HMGA2: variants seen among roughly 807,000 people sequenced by gnomAD.
HMGA2 encodes the protein high mobility group AT-hook 2.
A neutral mutation model predicts 19.1 loss-of-function variants in HMGA2; 8 were observed. The observed-to-expected ratio is 0.42, with a 90% CI of 0.25 to 0.76. The LOEUF (loss-of-function observed/expected upper bound fraction) is 0.76, where lower values mean the gene tolerates loss of function less well. Ranked by LOEUF, HMGA2 falls within the 30% of genes least tolerant of loss-of-function variation. The pLI, the probability that HMGA2 is intolerant of heterozygous loss-of-function variation, is 0.28. For missense variants in HMGA2, 109 were observed against 136.3 expected, an observed-to-expected ratio of 0.80 and a Z score of 1.00; for synonymous variants, 60 against 48.8, an observed-to-expected ratio of 1.23 and a Z score of -0.96.
chr12:65,866,237 C>T (rs552656106), intron 3 of HMGA2, among the ~76,000 whole-genome samples: 13 of 152,144 alleles, frequency 8.5e-5, no homozygotes, highest in Middle Eastern at 3.4e-3. Flanking sequence ...ACTTAAGGTC[C>T]CTAGTCTTGT....
chr12:65,924,226 C>T (rs1192405969), intron 3 of HMGA2, among the ~76,000 whole-genome samples: 5 of 152,212 alleles, frequency 3.3e-5, no homozygotes, highest in East Asian at 1.9e-4. Flanking sequence ...TAAAATGAAC[C>T]AACTTAGAAT....
At chr12:65,829,786 C>T (rs12815815) in intron 2 of HMGA2, among the ~76,000 whole-genome samples, 1,775 of 152,094 alleles carry the variant, frequency 0.012, 20 homozygotes, top group South Asian at 0.031. Context: ...TTACCACTGA[C>T]TAACAAAATT....
chr12:65,952,681 A>T (rs1368231926), intron 4 of HMGA2: 1 of 351,834 alleles, frequency 2.8e-6, no homozygotes, highest in Admixed American at 4.3e-5. Flanking sequence ...GAGAACCCAA[A>T]TATATTTAGC....
chr12:65,855,450 T>TCA (rs1315312278), intron 3 of HMGA2, among the ~76,000 whole-genome samples: 2,733 of 105,956 alleles, frequency 0.026, 77 homozygotes, highest in African/African-American at 0.097. Flanking sequence ...TCTCTCTCTC[T>TCA]CTCTCTCTCA....
chr12:65,868,424 A>G (rs1053320566), intron 3 of HMGA2, among the ~76,000 whole-genome samples: 1 of 152,110 alleles, frequency 6.6e-6, no homozygotes, highest in Non-Finnish European at 1.5e-5. Flanking sequence ...AGGAAAACTA[A>G]ATATCATCCC....
chr12:65,860,586 G>C (rs773687667), intron 3 of HMGA2, among the ~76,000 whole-genome samples: 1 of 152,066 alleles, frequency 6.6e-6, no homozygotes, highest in African/African-American at 2.4e-5. Flanking sequence ...CTAGGACTGT[G>C]GTATACAGTA....
intron 3 of HMGA2, among the ~76,000 whole-genome samples, chr12:65,919,303 T>A (rs1875219392): frequency 6.6e-6 from 1 of 152,176 alleles, no homozygotes; most frequent in South Asian, 2.1e-4. Flanking sequence ...ACCGTATCAC[T>A]AATGAAAATA....
intron 3 of HMGA2, among the ~76,000 whole-genome samples, chr12:65,906,810 T>G (rs1592436472): frequency 6.6e-6 from 1 of 152,230 alleles, no homozygotes; most frequent in Non-Finnish European, 1.5e-5. Flanking sequence ...TTATTATTCT[T>G]TGTTTAGATT....
intron 3 of HMGA2, among the ~76,000 whole-genome samples, chr12:65,886,555 C>T (rs1485604901): frequency 6.6e-6 from 1 of 152,038 alleles, no homozygotes; most frequent in African/African-American, 2.4e-5. Flanking sequence ...GATGGAGTTT[C>T]ACCATATTGG....
chr12:65,907,447 G>A (rs1421699974), intron 3 of HMGA2, among the ~76,000 whole-genome samples: 2 of 150,922 alleles, frequency 1.3e-5, no homozygotes, highest in African/African-American at 2.4e-5. Context: ...GGGGTAAAGT[G>A]CTCTGATAGT....
At chr12:65,887,133 C>T (rs1395113430) in intron 3 of HMGA2, among the ~76,000 whole-genome samples, 1 of 152,178 alleles carries the variant, frequency 6.6e-6, no homozygotes, top group Admixed American at 6.5e-5. Context: ...CTCCCCCCCT[C>T]ATAAAATGGA....
intron 3 of HMGA2, chr12:65,842,558 C>T (rs1381571805): frequency 3.2e-5 from 46 of 1,447,680 alleles, no homozygotes; most frequent in Middle Eastern, 3.4e-4. Context: ...ATAAATAATA[C>T]TAAAGAACAT....
At chr12:65,856,234 G>T (rs1471591488) in intron 3 of HMGA2, 1 of 152,156 alleles carries the variant, frequency 6.6e-6, no homozygotes, top group Non-Finnish European at 1.5e-5. Flanking sequence ...TGTCCCTGAG[G>T]TCCAAGCAAT....
Position 65,963,293 on chromosome 12 carries a change from G to A in HMGA2, c.*1G>A, listed in dbSNP as rs772000269. On this transcript the variant is annotated 3_prime_UTR_variant, in exon 5 of 5. Transcript: ENST00000403681. ...ACAAGAGTCTGCCGAAGAGGACTAG[G>A]GGGCGCCAACGTTCGATTTCTACCT... 2 of 1,613,308 alleles carry A rather than the reference G, an allele frequency of 1.2e-6. No individual in the cohort carries two copies. Among genetic ancestry groups the A allele is most frequent in the Non-Finnish European group, 1.7e-6 (2 of 1,179,754 alleles).
intron 3 of HMGA2, chr12:65,856,518 T>A (rs914934895): frequency 6.6e-6 from 1 of 152,222 alleles, no homozygotes; most frequent in Admixed American, 6.6e-5. Flanking sequence ...TGGATTTCCA[T>A]TGGGAATGTT....
chr12:65,949,788 A>C (rs1269602444), intron 3 of HMGA2, among the ~76,000 whole-genome samples: 1 of 152,212 alleles, frequency 6.6e-6, no homozygotes, highest in African/African-American at 2.4e-5. Context: ...GAACAAACTC[A>C]CAGAATTATT....
At chr12:65,925,251 T>C (rs985423553) in intron 3 of HMGA2, among the ~76,000 whole-genome samples, 2 of 152,212 alleles carry the variant, frequency 1.3e-5, no homozygotes, top group African/African-American at 4.8e-5. Flanking sequence ...CTCTAACTAT[T>C]CTTCATATCT....
At chr12:65,946,505 T>A (rs971015344) in intron 3 of HMGA2, among the ~76,000 whole-genome samples, 3 of 152,216 alleles carry the variant, frequency 2.0e-5, no homozygotes, top group Admixed American at 6.5e-5. Context: ...TAATTTTTTT[T>A]TAAAAATTAA....
chr12:65,965,739 G>C lies in HMGA2; in HGVS notation c.*2447G>C, dbSNP rs1285098711. The C allele has an allele frequency of 4.5e-6, 1 of 222,774 alleles. No individual in the cohort carries two copies. The highest frequency in any genetic ancestry group is 2.2e-5 in the African/African-American group (1 of 44,688). 13.8% of individuals were successfully genotyped at this position (222,774 alleles called of 1,614,324 possible). On this transcript the variant is annotated 3_prime_UTR_variant, in exon 5 of 5. Coordinates refer to ENST00000403681, the MANE Select transcript of HMGA2 (RefSeq NM_003483.6). ...CAATTGCTCATGTTGGCCAAACATG[G>C]TGCACCGAGTGATTTCCATCTCTGG...
Sources: allele counts gnomAD v4.1 joint callset (sites outside exome capture counted in the v4.1 genomes callset), GRCh38; gene constraint gnomAD v4.1.1; transcripts MANE v1.5; gene names NCBI Gene and HGNC (gene_info 2026-07-23, HGNC 2026-07-21).